Variants in RTL9 observed in about 807,000 individuals in gnomAD.
RTL9 encodes retrotransposon Gag like 9.
RTL9 carries 19 observed loss-of-function variants against 44.7 expected under a neutral mutation model. The ratio of observed to expected loss-of-function variants is 0.42; its 90% CI spans 0.30 to 0.62. RTL9 has a LOEUF of 0.62. Ranked by LOEUF, RTL9 falls within the 20% of genes least tolerant of loss-of-function variation. The probability of loss-of-function intolerance (pLI) is 0.16; values close to 1 mark genes in which losing one functional copy is unlikely to be tolerated. For missense variants in RTL9, 1,105 were observed against 1,080.6 expected, an observed-to-expected ratio of 1.02 and a Z score of -0.32; for synonymous variants, 407 against 398.9, an observed-to-expected ratio of 1.02 and a Z score of -0.24.
chrX:110,363,053 GT>G (rs1387014674), intron 1 of RTL9, among the ~76,000 whole-genome samples: 4 of 111,922 alleles, frequency 3.6e-5, no homozygotes, highest in African/African-American at 1.3e-4. Context: ...TTTATCTATT[GT>G]TTTTTGTCAC....
At chrX:110,438,189 C>T (rs762660130) in intron 1 of RTL9, among the ~76,000 whole-genome samples, 1 of 111,352 alleles carries the variant, frequency 9.0e-6, no homozygotes, top group Non-Finnish European at 1.9e-5. Context: ...TCTATCAGAA[C>T]CTGCTTTCAC....
At chrX:110,407,179 C>T (rs1045899613) in intron 1 of RTL9, among the ~76,000 whole-genome samples, 1 of 112,328 alleles carries the variant, frequency 8.9e-6, no homozygotes, top group African/African-American at 3.2e-5. Flanking sequence ...AATTCTGCTT[C>T]CCCATCCTGG....
chrX:110,394,238 TTTTG>T (rs1293416862), intron 1 of RTL9, among the ~76,000 whole-genome samples: 3 of 112,158 alleles, frequency 2.7e-5, no homozygotes, highest in Admixed American at 9.4e-5. Context: ...TTTGGGTGGT[TTTTG>T]TTTGTTTGTT....
chrX:110,453,825 T>A, exon 1 of RTL9: 1 of 1,211,506 alleles, frequency 8.3e-7, no homozygotes, highest in Non-Finnish European at 1.1e-6. Context: ...TAGAGGGATG[T>A]CCACACCACT....
intron 1 of RTL9, among the ~76,000 whole-genome samples, chrX:110,361,083 A>G (rs1444778680): frequency 9.1e-6 from 1 of 110,471 alleles, no homozygotes; most frequent in Non-Finnish European, 1.9e-5. Context: ...TCTCCAACTT[A>G]CCATGTTCAA....
chrX:110,405,959 T>C (rs1484364578), intron 1 of RTL9, among the ~76,000 whole-genome samples: 1 of 111,759 alleles, frequency 8.9e-6, no homozygotes, highest in Non-Finnish European at 1.9e-5. Flanking sequence ...TATGAGACTG[T>C]AATTACAGCA....
chrX:110,386,007 T>C (rs183253196), intron 1 of RTL9, among the ~76,000 whole-genome samples: 2 of 112,628 alleles, frequency 1.8e-5, no homozygotes, highest in East Asian at 5.5e-4. Context: ...GAATATATCA[T>C]ATTTTGTTTT....
At chrX:110,451,351 T>G in exon 1 of RTL9, 1 of 1,211,463 alleles carries the variant, frequency 8.3e-7, no homozygotes, top group Non-Finnish European at 1.1e-6. Flanking sequence ...ATGTCCAAAG[T>G]GCTAATGACT....
chrX:110,450,473 C>A (rs1372434566), upstream of RTL9: 3 of 497,807 alleles, frequency 6.0e-6, no homozygotes, highest in African/African-American at 7.1e-5. Context: ...TACCTGACAA[C>A]GCATAAAAAC....
intron 1 of RTL9, among the ~76,000 whole-genome samples, chrX:110,406,681 G>A (rs1359212008): frequency 8.9e-6 from 1 of 111,990 alleles, no homozygotes; most frequent in East Asian, 2.8e-4. Flanking sequence ...AGAATCTCCA[G>A]TGTCTTCCAC....
At chrX:110,453,660 G>A (rs754557668) in exon 1 of RTL9, 16 of 1,211,776 alleles carry the variant, frequency 1.3e-5, no homozygotes, top group Non-Finnish European at 1.8e-5. Context: ...TGGAAGGATG[G>A]CCACAGCGCC....
chrX:110,416,185 C>T (rs1225719827), upstream of RTL9, among the ~76,000 whole-genome samples: 1 of 111,382 alleles, frequency 9.0e-6, no homozygotes, highest in Non-Finnish European at 1.9e-5. Flanking sequence ...GATGGTCAAA[C>T]TGAGTTTCAT....
intron 1 of RTL9, among the ~76,000 whole-genome samples, chrX:110,375,345 A>T (rs1453083155): frequency 1.8e-5 from 2 of 111,887 alleles, no homozygotes; most frequent in Admixed American, 9.5e-5. Context: ...TTCTAGTCTC[A>T]GCTCTACCCC....
exon 2 of RTL9, chrX:110,455,372 G>C: frequency 1.7e-6 from 2 of 1,190,998 alleles, no homozygotes; most frequent in Non-Finnish European, 1.1e-6. Context: ...CTAACTGGAG[G>C]ACTGGTTCCT....
chrX:110,417,243 G>T (rs2068683902), upstream of RTL9, among the ~76,000 whole-genome samples: 1 of 112,093 alleles, frequency 8.9e-6, no homozygotes, highest in African/African-American at 3.3e-5. Flanking sequence ...AGCTTGGAGG[G>T]AGGGGGAGTG....
intron 1 of RTL9, among the ~76,000 whole-genome samples, chrX:110,403,178 G>C (rs1444492565): frequency 8.9e-6 from 1 of 111,798 alleles, no homozygotes; most frequent in East Asian, 2.8e-4. Context: ...AAAAAGGAAG[G>C]CCAGAGATGT....
chrX:110,451,974 G>C, exon 1 of RTL9: 2 of 1,211,543 alleles, frequency 1.7e-6, no homozygotes, highest in Non-Finnish European at 2.2e-6. Context: ...GATGTCCACA[G>C]AGCAAATGTC....
chrX:110,416,369 G>A (rs1033150576), upstream of RTL9, among the ~76,000 whole-genome samples: 6 of 111,877 alleles, frequency 5.4e-5, no homozygotes, highest in Non-Finnish European at 9.4e-5. Context: ...ACCATGTCCC[G>A]GGCACATGGT....
chrX:110,416,285 C>CT (rs2068676994), upstream of RTL9, among the ~76,000 whole-genome samples: 1 of 112,089 alleles, frequency 8.9e-6, no homozygotes, highest in Non-Finnish European at 1.9e-5. Context: ...GCAACAGTGC[C>CT]TCTAGACTAG....
Sources: gnomAD v4.1 joint callset for allele counts (sites outside exome capture counted in the v4.1 genomes callset) on GRCh38, gnomAD v4.1.1 for gene constraint, MANE v1.5 for transcripts, NCBI Gene and HGNC (gene_info 2026-07-23, HGNC 2026-07-21) for gene names.